The following VWF variants were observed in gnomAD, a reference collection of about 807,000 sequenced individuals.
VWF encodes the protein von Willebrand factor.
Under a neutral mutation model 308.6 loss-of-function variants are expected in VWF, and 176 were observed. The ratio of observed to expected loss-of-function variants is 0.57; its 90% CI spans 0.50 to 0.65. The LOEUF (loss-of-function observed/expected upper bound fraction) is 0.65, where lower values mean the gene tolerates loss of function less well. Ranked by LOEUF, VWF falls within the 30% of genes least tolerant of loss-of-function variation. The pLI is 0.00. For synonymous variants in VWF, 1,385 were observed against 1,443.4 expected (o/e 0.96, Z 0.92); for missense variants, 3,146 against 3,648.2 (o/e 0.86, Z 3.55).
In VWF at chr12:6,075,921, C is replaced by T. The variant is rs988152191; in HGVS notation, c.658-370G>A. Among the ~76,000 whole-genome samples, 1 of 152,184 alleles carries T rather than the reference C, an allele frequency of 6.6e-6. No homozygotes were observed. The highest frequency in any genetic ancestry group is 6.5e-5 in the Admixed American group (1 of 15,278). ...CAGAGTCCAGGAATGCTGTCAGCATCGGTTCTGCACTGACCTGTTCAGCTC... is the reference window on the plus strand; with the variant it reads ...CAGAGTCCAGGAATGCTGTCAGCATTGGTTCTGCACTGACCTGTTCAGCTC... On this transcript the variant is annotated intron_variant, in intron 6 of 51. Coordinates refer to ENST00000261405, the MANE Select transcript of VWF (RefSeq NM_000552.5). This position sits in a 1 kb window ranked among gnomAD's most constrained non-coding sequence, Gnocchi z 4.7.
At chr12:6,008,802 G>C (rs1183907311) in intron 34 of VWF, among the ~76,000 whole-genome samples, 2 of 152,090 alleles carry the variant, frequency 1.3e-5, no homozygotes, top group Non-Finnish European at 1.5e-5. Context: ...CAAATTCAGC[G>C]AAGTTAAAAC....
rs551789077 is a variant in VWF, at chr12:6,019,856, T to C, written c.3675-113A>G. ...CCCACAGAATCTCCTCTGTTCCACC[T>C]GAACTTGAGATCCCATGGACCATTC... On this transcript the variant is annotated intron_variant, in intron 27 of 51. Transcript: ENST00000261405. This position sits in a 1 kb window ranked among gnomAD's most constrained non-coding sequence, Gnocchi z 5.8. 49 of 1,245,350 alleles carry C rather than the reference T, an allele frequency of 3.9e-5. No homozygotes were observed. In the African/African-American group the frequency reaches 6.4e-4, roughly 16 times the overall value. 77.1% of individuals were successfully genotyped at this position (1,245,350 alleles called of 1,614,324 possible).
rs372875249 is a variant in VWF, at chr12:5,978,223, G to GT, written c.7288-1964dup. Among the ~76,000 whole-genome samples, 1,041 of 145,846 alleles carry GT rather than the reference G, an allele frequency of 7.1e-3. 5 individuals carry two copies. Among genetic ancestry groups the GT allele is most frequent in the African/African-American group, 0.024 (955 of 39,926 alleles). On this transcript the variant is annotated intron_variant, in intron 42 of 51. Coordinates refer to ENST00000261405, the MANE Select transcript of VWF (RefSeq NM_000552.5). ...ATTTACACAAATATCCCCCAATGAGGTTTTTTTTTTAGGACTAGAAGAACT... is the reference window on the plus strand; with the variant it reads ...ATTTACACAAATATCCCCCAATGAGGTTTTTTTTTTTAGGACTAGAAGAACT...
chr12:6,003,935 C>T (rs1943900616), intron 34 of VWF, among the ~76,000 whole-genome samples: 1 of 151,592 alleles, frequency 6.6e-6, no homozygotes, highest in Non-Finnish European at 1.5e-5. Flanking sequence ...CCTGCCTCAG[C>T]CTCCCGAGTA....
intron 10 of VWF, 128 bp from the exon 11 acceptor site, chr12:6,065,401 C>T: frequency 8.0e-7 from 1 of 1,247,176 alleles, no homozygotes; most frequent in Non-Finnish European, 1.1e-6. Context: ...TTGCCCAAAC[C>T]AGTCTAAAAA....
intron 26 of VWF, 89 bp downstream of exon 26, chr12:6,022,651 G>A: frequency 3.2e-6 from 1 of 308,928 alleles, no homozygotes; most frequent in Middle Eastern, 1.1e-3. Context: ...GTGGCAGGTG[G>A]AGGCTGAGAT....
intron 22 of VWF, among the ~76,000 whole-genome samples, chr12:6,028,203 A>G (rs528197640): frequency 6.6e-6 from 1 of 152,324 alleles, no homozygotes; most frequent in East Asian, 1.9e-4. Flanking sequence ...GTTGGACCCT[A>G]AATAGTGGAA....
Position 6,058,106 on chromosome 12 carries a change from G to A in VWF, c.1534-62C>T. On this transcript the variant is annotated intron_variant, in intron 13 of 51. Transcript: ENST00000261405. The surrounding 1 kb of genome is among the most constrained non-coding windows in gnomAD (Gnocchi z 4.9). Reference sequence around the variant, plus strand: ...GCGAAAGCAGCGGCATAGTTGTTTAGCTAATGAGATGGTTTTAATAAAAAA... The same window carrying A: ...GCGAAAGCAGCGGCATAGTTGTTTAACTAATGAGATGGTTTTAATAAAAAA... 2 of 1,569,784 alleles carry A rather than the reference G, an allele frequency of 1.3e-6. No individual in the cohort carries two copies. Among genetic ancestry groups the A allele is most frequent in the Non-Finnish European group, 1.7e-6 (2 of 1,154,702 alleles).
intron 16 of VWF, among the ~76,000 whole-genome samples, chr12:6,047,746 T>G (rs1424540783): frequency 6.6e-6 from 1 of 152,230 alleles, no homozygotes; most frequent in Non-Finnish European, 1.5e-5. Flanking sequence ...AGCACCGTGT[T>G]TGTAAGATTC....
chr12:6,110,953 C>G lies in VWF; in HGVS notation c.236G>C (p.Gly79Ala). 6.2e-7 allele frequency: 1 copy of G among 1,614,078 alleles called. No homozygotes were observed. The highest frequency in any genetic ancestry group is 8.5e-7 in the Non-Finnish European group (1 of 1,179,982). The change falls in exon 4 of 52, where the codon GGC (glycine) becomes GCC (alanine). Residue 79 changes from glycine (G) to alanine (A), a missense_variant. Gly to Ala is a moderately conservative substitution (Grantham distance 60). Around this residue, in one of 3 missense-constraint regions of VWF, gnomAD observed 1,304 missense variants for 1,353.0 expected, o/e 0.96. Transcript: ENST00000261405. The stretch of plus-strand genomic sequence containing the variant: ...ATACACGGAGAGGCTCACTCTCTTG[C>G]CATTCTGGAAGTCCCCTGAAAGAGA... ...SFSIIGDFQN[G>A]KRVSLSVYLG...
chr12:5,969,869 C>A (rs1288582851), intron 44 of VWF, among the ~76,000 whole-genome samples: 1 of 152,168 alleles, frequency 6.6e-6, no homozygotes, highest in Admixed American at 6.5e-5. Context: ...ACATGGGTAG[C>A]CTGACCCCAA....
intron 43 of VWF, among the ~76,000 whole-genome samples, chr12:5,974,537 G>A (rs926647891): frequency 1.6e-4 from 25 of 152,210 alleles, no homozygotes; most frequent in Admixed American, 3.9e-4. Context: ...CAGCGGACCC[G>A]ATCCAAGGGC....
At chr12:6,071,022 C>T (rs16932408) in intron 10 of VWF, among the ~76,000 whole-genome samples, 4,385 of 152,294 alleles carry the variant, frequency 0.029, 203 homozygotes, top group African/African-American at 0.098. Flanking sequence ...AACCTTAATC[C>T]TTTCAGCAAA....
intron 47 of VWF, among the ~76,000 whole-genome samples, chr12:5,964,033 C>T (rs958540993): frequency 6.6e-6 from 1 of 152,060 alleles, no homozygotes; most frequent in African/African-American, 2.4e-5. Flanking sequence ...CGGTGAAACC[C>T]CGTCTCTACT....
At position 6,063,772 on chromosome 12, in the gene VWF, G is replaced by A. The variant is rs1944682431; in HGVS notation, c.1432+474C>T. On this transcript the variant is annotated intron_variant, in intron 12 of 51. Coordinates refer to ENST00000261405, the MANE Select transcript of VWF (RefSeq NM_000552.5). The surrounding 1 kb of genome is among the most constrained non-coding windows in gnomAD (Gnocchi z 4.9). ...ACAGTGCAACCCAGGTGAAGATACT[G>A]GACAGGTAGGTTTTTTGCTACCTCT... Among the ~76,000 whole-genome samples the A allele has an allele frequency of 6.6e-6, 1 of 152,134 alleles. No homozygotes were observed. Among genetic ancestry groups the A allele is most frequent in the African/African-American group, 2.4e-5 (1 of 41,416 alleles).
chr12:6,101,637 A>G (rs1293091576), intron 5 of VWF, among the ~76,000 whole-genome samples: 5 of 151,980 alleles, frequency 3.3e-5, no homozygotes, highest in African/African-American at 9.7e-5. Context: ...TTAGCCAGGC[A>G]TGGTGGCGGG....
At chr12:5,967,269 G>T (rs1943413443) in intron 47 of VWF, among the ~76,000 whole-genome samples, 1 of 152,204 alleles carries the variant, frequency 6.6e-6, no homozygotes, top group Admixed American at 6.5e-5. Context: ...AACTCAGGAA[G>T]AAAATGTTTG....
rs1397294752 is a variant in VWF, at chr12:6,016,975, G to A, written c.5054-105C>T. On this transcript the variant is annotated intron_variant, in intron 28 of 51. Coordinates refer to ENST00000261405, the MANE Select transcript of VWF (RefSeq NM_000552.5). Reference sequence around the variant, plus strand: ...AGGATCTGCAGGGCGTGCTGACCACGTGGCACCACCAAGGGGGGCGGGGGG... The same window carrying A: ...AGGATCTGCAGGGCGTGCTGACCACATGGCACCACCAAGGGGGGCGGGGGG... 1.4e-5 allele frequency: 18 copies of A among 1,248,412 alleles called. 1 individual carries two copies. The highest frequency in any genetic ancestry group is 7.0e-5 in the East Asian group (3 of 43,164). The allele number at this position is 1,248,412 out of a possible 1,614,324, so 77.3% of individuals were successfully genotyped here.
chr12:6,107,695 G>T (rs1945258753), intron 5 of VWF, among the ~76,000 whole-genome samples: 1 of 151,994 alleles, frequency 6.6e-6, no homozygotes, highest in Non-Finnish European at 1.5e-5. Flanking sequence ...GTCTCACTCT[G>T]TCGCCCAGGC....
Sources: gnomAD v4.1 joint callset for allele counts (sites outside exome capture counted in the v4.1 genomes callset) on GRCh38, gnomAD v4.1.1 for gene constraint, gnomAD v4.1.1 regional missense constraint, Gnocchi (gnomAD v3.1) non-coding constraint, MANE v1.5 for transcripts, NCBI Gene and HGNC (gene_info 2026-07-23, HGNC 2026-07-21) for gene names.